The following STPG2 variants were observed in gnomAD, a reference collection of about 807,000 sequenced individuals.
STPG2 encodes the protein sperm tail PG-rich repeat containing 2, also known as sperm-tail PG-rich repeat-containing protein 2.
In STPG2, 56 loss-of-function variants were observed where a neutral mutation model predicts 54.2. The observed-to-expected ratio is 1.03, with a 90% confidence interval of 0.83 to 1.29. The LOEUF (loss-of-function observed/expected upper bound fraction) is 1.29, where lower values mean the gene tolerates loss of function less well. Among genes scored for constraint, STPG2 ranks in the 50% most tolerant of loss-of-function variants. The probability of loss-of-function intolerance (pLI) is 0.00; values close to 1 mark genes in which losing one functional copy is unlikely to be tolerated. For missense variants in STPG2, 596 were observed against 544.9 expected, an observed-to-expected ratio of 1.09 and a Z score of -0.93; for synonymous variants, 200 against 181.8, an observed-to-expected ratio of 1.10 and a Z score of -0.81.
intron 9 of STPG2, among the ~76,000 whole-genome samples, chr4:97,758,088 T>G (rs757613798): frequency 6.6e-6 from 1 of 152,226 alleles, no homozygotes; most frequent in Non-Finnish European, 1.5e-5. Flanking sequence ...CTACAGTCTT[T>G]TAATTGGAAT....
chr4:97,735,822 T>C (rs1442351596), intron 9 of STPG2, among the ~76,000 whole-genome samples: 1 of 151,950 alleles, frequency 6.6e-6, no homozygotes, highest in Non-Finnish European at 1.5e-5. Context: ...CCTAAATATA[T>C]AAGGAACACA....
chr4:97,879,372 G>A (rs546023636), intron 8 of STPG2, among the ~76,000 whole-genome samples: 1 of 152,208 alleles, frequency 6.6e-6, no homozygotes, highest in East Asian at 1.9e-4. Flanking sequence ...CCTGAGACCG[G>A]GTAATTTATA....
At chr4:98,077,027 C>T (rs1041185363) in intron 5 of STPG2, among the ~76,000 whole-genome samples, 3 of 152,080 alleles carry the variant, frequency 2.0e-5, no homozygotes, top group Admixed American at 6.6e-5. Flanking sequence ...CCTCGAGATT[C>T]CTGATGTCCT....
chr4:97,994,606 GAAC>G (rs930771997), intron 5 of STPG2, among the ~76,000 whole-genome samples: 3 of 152,126 alleles, frequency 2.0e-5, no homozygotes, highest in African/African-American at 7.2e-5. Context: ...CAGAGATACT[GAAC>G]TCCAGGCTGG....
intron 8 of STPG2, among the ~76,000 whole-genome samples, chr4:97,878,919 G>A (rs894676458): frequency 6.6e-6 from 1 of 152,014 alleles, no homozygotes; most frequent in Non-Finnish European, 1.5e-5. Context: ...CCTTTTAAAA[G>A]TACCAAAGTC....
intron 6 of STPG2, among the ~76,000 whole-genome samples, chr4:97,977,088 C>T (rs931425430): frequency 2.0e-5 from 3 of 152,130 alleles, no homozygotes; most frequent in Non-Finnish European, 2.9e-5. Context: ...TCTTTATCCA[C>T]GTTGTTTTCT....
intron 5 of STPG2, among the ~76,000 whole-genome samples, chr4:98,058,703 A>G (rs1737554261): frequency 6.6e-6 from 1 of 152,150 alleles, no homozygotes; most frequent in South Asian, 2.1e-4. Context: ...TCAACATTGG[A>G]CCAAATGGAT....
chr4:97,758,551 T>C (rs1342617089), intron 9 of STPG2, among the ~76,000 whole-genome samples: 3 of 152,028 alleles, frequency 2.0e-5, no homozygotes, highest in African/African-American at 7.2e-5. Context: ...ATGTTCTCAC[T>C]CATAAGTGGG....
At chr4:97,590,283 T>C (rs1390657747) in intron 10 of STPG2, among the ~76,000 whole-genome samples, 1 of 151,872 alleles carries the variant, frequency 6.6e-6, no homozygotes, top group East Asian at 1.9e-4. Flanking sequence ...AGCTGACAAA[T>C]TCAGTTTCTT....
At chr4:98,016,819 T>C (rs780025549) in intron 5 of STPG2, among the ~76,000 whole-genome samples, 4 of 152,240 alleles carry the variant, frequency 2.6e-5, no homozygotes, top group Non-Finnish European at 5.9e-5. Context: ...GACTTTTTCC[T>C]GATTTTTCAT....
intron 8 of STPG2, among the ~76,000 whole-genome samples, chr4:97,917,696 AAG>A (rs1376308987): frequency 6.6e-6 from 1 of 152,202 alleles, no homozygotes; most frequent in Non-Finnish European, 1.5e-5. Context: ...AATAACCTCA[AAG>A]AGCTGTTAAT....
intron 9 of STPG2, among the ~76,000 whole-genome samples, chr4:97,722,965 T>TC: frequency 4.4e-5 from 1 of 22,818 alleles, no homozygotes; most frequent in Non-Finnish European, 8.0e-5. Flanking sequence ...ACCCGGCTAA[T>TC]TTTTTTTTTT....
chr4:97,680,448 A>T (rs931884675), intron 10 of STPG2, among the ~76,000 whole-genome samples: 5 of 152,142 alleles, frequency 3.3e-5, no homozygotes, highest in Non-Finnish European at 7.4e-5. Context: ...ACTGGTTTAT[A>T]AGAATGCTTG....
At chr4:97,725,292 CT>C (rs982232179) in intron 9 of STPG2, among the ~76,000 whole-genome samples, 43 of 147,166 alleles carry the variant, frequency 2.9e-4, no homozygotes, top group East Asian at 7.9e-4. Flanking sequence ...AATAGTACCA[CT>C]TTTTTTTTTA....
At chr4:97,736,452 T>A (rs555010690) in intron 9 of STPG2, among the ~76,000 whole-genome samples, 1 of 152,152 alleles carries the variant, frequency 6.6e-6, no homozygotes, top group East Asian at 1.9e-4. Context: ...TTCCCTTTCC[T>A]AGTCAAAGAA....
chr4:97,530,735 G>T (rs996600364), intron 4 of STPG2, among the ~76,000 whole-genome samples: 2 of 152,144 alleles, frequency 1.3e-5, no homozygotes, highest in Non-Finnish European at 2.9e-5. Context: ...TTTGAAACAG[G>T]TATTGAGAAG....
At chr4:97,572,972 G>T (rs1009432215) in intron 10 of STPG2, among the ~76,000 whole-genome samples, 1 of 152,016 alleles carries the variant, frequency 6.6e-6, no homozygotes, top group African/African-American at 2.4e-5. Flanking sequence ...GTAGAGTTAG[G>T]TATTTTATCT....
intron 10 of STPG2, among the ~76,000 whole-genome samples, chr4:97,701,195 A>T (rs1723763286): frequency 6.6e-6 from 1 of 152,056 alleles, no homozygotes; most frequent in African/African-American, 2.4e-5. Flanking sequence ...CCATTCAGGG[A>T]GCCAATGTGG....
At chr4:98,075,993 C>T (rs183578284) in intron 5 of STPG2, among the ~76,000 whole-genome samples, 1 of 152,164 alleles carries the variant, frequency 6.6e-6, no homozygotes, top group East Asian at 1.9e-4. Context: ...GCCTGTAATC[C>T]CAGCACTTTG....
Sources: allele counts gnomAD v4.1 joint callset (sites outside exome capture counted in the v4.1 genomes callset), GRCh38; gene constraint gnomAD v4.1.1; transcripts MANE v1.5; gene names NCBI Gene and HGNC (gene_info 2026-07-23, HGNC 2026-07-21).